The following CLOCK variants were observed in gnomAD, a reference collection of about 807,000 sequenced individuals.
The protein encoded by CLOCK is circadian locomoter output cycles protein kaput.
Under a neutral mutation model 118.4 loss-of-function variants are expected in CLOCK, and 43 were observed. That is an observed-to-expected ratio of 0.36 (90% CI 0.28 to 0.47). The LOEUF (loss-of-function observed/expected upper bound fraction) is 0.47. Ranked by LOEUF, CLOCK falls within the 20% of genes least tolerant of loss-of-function variation. The pLI is 1.00. For missense variants in CLOCK, 846 were observed against 999.9 expected (o/e 0.85, Z 2.08); for synonymous variants, 326 against 339.2 (o/e 0.96, Z 0.43).
At chr4:55,512,793 G>A (rs992731221) in intron 1 of CLOCK, among the ~76,000 whole-genome samples, 3 of 152,002 alleles carry the variant, frequency 2.0e-5, no homozygotes, top group Admixed American at 1.3e-4. Context: ...CAGTTGCTCC[G>A]GTACCATTTG....
chr4:55,535,881 T>A (rs944065634), intron 1 of CLOCK, among the ~76,000 whole-genome samples: 1 of 152,016 alleles, frequency 6.6e-6, no homozygotes, highest in Non-Finnish European at 1.5e-5. Flanking sequence ...CCAGTATCTG[T>A]CTTTTCCCTG....
chr4:55,498,145 C>T (rs577223417), intron 2 of CLOCK, among the ~76,000 whole-genome samples: 122 of 152,200 alleles, frequency 8.0e-4, no homozygotes, highest in African/African-American at 2.9e-3. Flanking sequence ...AATATAATGA[C>T]AATGTTTGAC....
At chr4:55,541,767 G>C (rs1420261205) in intron 1 of CLOCK, among the ~76,000 whole-genome samples, 2 of 151,882 alleles carry the variant, frequency 1.3e-5, no homozygotes, top group Non-Finnish European at 2.9e-5. Context: ...AACATCAAAT[G>C]GTTCTTTCCA....
At chr4:55,517,901 A>C (rs1020361073) in intron 1 of CLOCK, among the ~76,000 whole-genome samples, 1 of 152,114 alleles carries the variant, frequency 6.6e-6, no homozygotes, top group Non-Finnish European at 1.5e-5. Flanking sequence ...ACAAAATTAC[A>C]AATGTTTTTA....
chr4:55,485,789 T>C (rs1044955130), intron 3 of CLOCK, among the ~76,000 whole-genome samples: 1 of 152,190 alleles, frequency 6.6e-6, no homozygotes, highest in African/African-American at 2.4e-5. Flanking sequence ...CTTGAGGGGA[T>C]GACATCCCAT....
chr4:55,539,102 G>C (rs1264630454), intron 1 of CLOCK, among the ~76,000 whole-genome samples: 1 of 152,026 alleles, frequency 6.6e-6, no homozygotes, highest in African/African-American at 2.4e-5. Context: ...GGGTATGGTA[G>C]CACATGCCTG....
chr4:55,517,685 AAG>A (rs1729602649), intron 1 of CLOCK, among the ~76,000 whole-genome samples: 1 of 152,094 alleles, frequency 6.6e-6, no homozygotes, highest in African/African-American at 2.4e-5. Flanking sequence ...TGTTTTTTAG[AAG>A]AGACTATGTA....
At chr4:55,502,601 T>A (rs1471228951) in intron 2 of CLOCK, among the ~76,000 whole-genome samples, 1 of 152,102 alleles carries the variant, frequency 6.6e-6, no homozygotes, top group Non-Finnish European at 1.5e-5. Context: ...ATAGATAACA[T>A]CTTCTTGGCT....
intron 1 of CLOCK, among the ~76,000 whole-genome samples, chr4:55,520,973 T>C (rs1002455473): frequency 4.6e-5 from 7 of 152,212 alleles, no homozygotes; most frequent in Admixed American, 6.5e-5. Context: ...CTTTCAAGTC[T>C]CTCATGATTT....
chr4:55,511,867 G>A (rs1001746061), intron 1 of CLOCK, among the ~76,000 whole-genome samples: 1 of 151,942 alleles, frequency 6.6e-6, no homozygotes, highest in Admixed American at 6.6e-5. Flanking sequence ...ATATGTAGTA[G>A]CCATTTCAGA....
chr4:55,489,657 CTT>C (rs1272157661), intron 2 of CLOCK, among the ~76,000 whole-genome samples, 192 bp from the exon 3 acceptor site: 4 of 151,932 alleles, frequency 2.6e-5, no homozygotes, highest in African/African-American at 9.7e-5. Context: ...AAAACAATCA[CTT>C]AATTCTGGTA....
At chr4:55,540,766 A>T (rs762833553) in intron 1 of CLOCK, 2 of 152,286 alleles carry the variant, frequency 1.3e-5, no homozygotes, top group Non-Finnish European at 2.9e-5. Flanking sequence ...CTGCCGAGCC[A>T]GCCAGATGAG....
At chr4:55,454,159 C>A (rs1724718423) in intron 13 of CLOCK, among the ~76,000 whole-genome samples, 1 of 152,264 alleles carries the variant, frequency 6.6e-6, no homozygotes, top group East Asian at 1.9e-4. Flanking sequence ...AGTTTTTTCT[C>A]CTAACTACTC....
chr4:55,518,883 C>T (rs545595263), intron 1 of CLOCK, among the ~76,000 whole-genome samples: 11 of 152,250 alleles, frequency 7.2e-5, no homozygotes, highest in African/African-American at 2.6e-4. Context: ...GTTCCAATGC[C>T]CCTGGATGAC....
intron 14 of CLOCK, 165 bp from the exon 15 acceptor site, chr4:55,453,294 C>A: frequency 1.6e-6 from 1 of 613,338 alleles, no homozygotes; most frequent in South Asian, 2.3e-5. Flanking sequence ...ATTTAACTTG[C>A]ATTTTTCTAG....
chr4:55,544,199 C>CACACACA (rs1731465817), intron 1 of CLOCK, among the ~76,000 whole-genome samples: 1 of 145,260 alleles, frequency 6.9e-6, no homozygotes, highest in African/African-American at 2.5e-5. Context: ...CACACACACA[C>CACACACA]CCCAATTTAC....
chr4:55,541,166 A>G (rs1178891274), intron 1 of CLOCK, among the ~76,000 whole-genome samples: 2 of 152,222 alleles, frequency 1.3e-5, no homozygotes, highest in Admixed American at 1.3e-4. Context: ...AAAATGGAAA[A>G]AAACAGGAAT....
At position 55,478,878 on chromosome 4, in the gene CLOCK, C is replaced by G; in HGVS notation, c.193G>C (p.Ala65Pro). The change falls in exon 6 of 23, where the codon GCT becomes CCT. Residue 65 changes from alanine (A) to proline (P), a missense_variant. Ala to Pro is a conservative substitution (Grantham distance 27). This residue lies in a region of CLOCK where 246 missense variants were observed against 300.2 expected (regional missense o/e 0.82). Coordinates refer to ENST00000513440, the MANE Select transcript of CLOCK (RefSeq NM_004898.4). ...KELGSMLPGN[A>P]RKMDKSTVLQ... ...ACAGTAGATTTGTCCATCTTTCTAG[C>G]ATTACCAGGAAGCATGGATCCCAGT... 2 of 1,612,334 alleles carry G rather than the reference C, an allele frequency of 1.2e-6. No homozygotes were observed. Among genetic ancestry groups the G allele is most frequent in the African/African-American group, 1.3e-5 (1 of 75,004 alleles).
intron 12 of CLOCK, 79 bp downstream of exon 12, chr4:55,456,139 A>G (rs965783278): frequency 6.7e-6 from 9 of 1,341,744 alleles, no homozygotes; most frequent in Non-Finnish European, 7.3e-6. Context: ...TTTAAAAAAA[A>G]GTTTGCCCTT....
Sources: allele counts gnomAD v4.1 joint callset (sites outside exome capture counted in the v4.1 genomes callset), GRCh38; gene constraint gnomAD v4.1.1; regional missense constraint gnomAD v4.1.1; transcripts MANE v1.5; gene names NCBI Gene and HGNC (gene_info 2026-07-23, HGNC 2026-07-21).